TAF1B: variants seen among roughly 807,000 people sequenced by gnomAD.
TAF1B encodes the protein TATA-box binding protein associated factor, RNA polymerase I subunit B.
TAF1B carries 61 observed loss-of-function variants against 83.9 expected under a neutral mutation model. That is an observed-to-expected ratio of 0.73 (90% CI 0.59 to 0.90). TAF1B has a LOEUF of 0.90. Ranked by LOEUF, TAF1B falls within the 40% of genes least tolerant of loss-of-function variation. The pLI, the probability that TAF1B is intolerant of heterozygous loss-of-function variation, is 0.00. For missense variants in TAF1B, 625 were observed against 677.0 expected (o/e 0.92, Z 0.85); for synonymous variants, 221 against 224.6 (o/e 0.98, Z 0.14).
intron 12 of TAF1B, among the ~76,000 whole-genome samples, chr2:9,918,614 T>C (rs1328498385): frequency 6.6e-6 from 1 of 152,244 alleles, no homozygotes; most frequent in Non-Finnish European, 1.5e-5. Flanking sequence ...GAGACGCATT[T>C]ACTGTTCACT....
At chr2:9,919,930 T>A (rs1429316124) in intron 14 of TAF1B, 110 bp downstream of exon 14, 3 of 1,009,516 alleles carry the variant, frequency 3.0e-6, no homozygotes, top group Non-Finnish European at 4.4e-6. Context: ...GTCACGAAAA[T>A]CAGAATTATA....
chr2:9,875,602 T>G (rs1664300244), intron 6 of TAF1B, among the ~76,000 whole-genome samples: 1 of 152,042 alleles, frequency 6.6e-6, no homozygotes, highest in Non-Finnish European at 1.5e-5. Flanking sequence ...AACTACCCTT[T>G]ATAAAACTAT....
intron 2 of TAF1B, 59 bp from the exon 3 acceptor site, chr2:9,849,314 A>G (rs1663306466): frequency 5.3e-6 from 7 of 1,319,802 alleles, no homozygotes; most frequent in Middle Eastern, 1.8e-4. Flanking sequence ...AATACCTGGA[A>G]AAATGCTTAG....
chr2:9,921,972 A>C (rs1665893828), intron 14 of TAF1B, among the ~76,000 whole-genome samples: 1 of 152,204 alleles, frequency 6.6e-6, no homozygotes, highest in South Asian at 2.1e-4. Flanking sequence ...CCCTCACTAA[A>C]GTTCTCAGTA....
rs1042712468 is a variant in TAF1B at position 9,873,562 on chromosome 2, T to C, written c.554-2303T>C. ...GACTCAACATTTCTGTTGGTGTATT[T>C]AATAAGATTCACACTTAACACACAT... On this transcript the variant is annotated intron_variant, in intron 6 of 14. Coordinates refer to ENST00000263663, the MANE Select transcript of TAF1B (RefSeq NM_005680.3). Among the ~76,000 whole-genome samples the C allele has an allele frequency of 2.6e-5, 4 of 152,074 alleles. 1 individual carries two copies. The highest frequency in any genetic ancestry group is 9.7e-5 in the African/African-American group (4 of 41,404).
At chr2:9,932,600 T>C (rs973074021) in intron 14 of TAF1B, among the ~76,000 whole-genome samples, 6 of 152,008 alleles carry the variant, frequency 3.9e-5, no homozygotes, top group Non-Finnish European at 8.8e-5. Flanking sequence ...TACTGGGAGG[T>C]GTCTCCCAGT....
intron 8 of TAF1B, among the ~76,000 whole-genome samples, chr2:9,891,283 A>G (rs1398312641): frequency 6.6e-6 from 1 of 152,214 alleles, no homozygotes; most frequent in African/African-American, 2.4e-5. Flanking sequence ...CTTTACTGCC[A>G]GTGGTAGAAA....
chr2:9,887,124 A>G (rs973723795), intron 8 of TAF1B, among the ~76,000 whole-genome samples: 3 of 152,166 alleles, frequency 2.0e-5, no homozygotes, highest in African/African-American at 7.2e-5. Context: ...ACCTACAACT[A>G]TAATAGTCGC....
chr2:9,857,895 G>A (rs1016756996), intron 5 of TAF1B, among the ~76,000 whole-genome samples: 2 of 152,148 alleles, frequency 1.3e-5, no homozygotes, highest in African/African-American at 4.8e-5. Flanking sequence ...AACATGTGGG[G>A]ATTACAATTC....
chr2:9,860,166 T>C (rs1171172813), intron 5 of TAF1B, among the ~76,000 whole-genome samples: 1 of 152,042 alleles, frequency 6.6e-6, no homozygotes, highest in Non-Finnish European at 1.5e-5. Flanking sequence ...ACTAGGTCCC[T>C]CCCTCCAGAC....
At chr2:9,884,160 G>A (rs1224526765) in intron 8 of TAF1B, among the ~76,000 whole-genome samples, 6 of 152,210 alleles carry the variant, frequency 3.9e-5, no homozygotes, top group Non-Finnish European at 2.9e-5. Flanking sequence ...AGCGATCCGC[G>A]AGGCTGCGAC....
At chr2:9,858,736 C>G (rs1008598751) in intron 5 of TAF1B, among the ~76,000 whole-genome samples, 2 of 152,230 alleles carry the variant, frequency 1.3e-5, no homozygotes, top group Non-Finnish European at 2.9e-5. Context: ...GGCTTGCACC[C>G]TCTGAAGCCA....
At chr2:9,923,171 T>C (rs1003994431) in intron 14 of TAF1B, among the ~76,000 whole-genome samples, 4 of 150,146 alleles carry the variant, frequency 2.7e-5, no homozygotes, top group Non-Finnish European at 5.9e-5. Flanking sequence ...CCGGGAGGCA[T>C]TGGTTGCAGT....
At chr2:9,902,735 C>G (rs539005115) in intron 8 of TAF1B, among the ~76,000 whole-genome samples, 1 of 152,138 alleles carries the variant, frequency 6.6e-6, no homozygotes, top group South Asian at 2.1e-4. Context: ...GGCATGCATA[C>G]GCATTTCTGC....
At chr2:9,920,386 C>T (rs1665836884) in intron 14 of TAF1B, among the ~76,000 whole-genome samples, 1 of 152,144 alleles carries the variant, frequency 6.6e-6, no homozygotes, top group Admixed American at 6.5e-5. Context: ...ATCTGATTGT[C>T]CCTCAGCCTT....
chr2:9,862,313 G>C (rs1290964703), intron 5 of TAF1B, among the ~76,000 whole-genome samples: 1 of 152,212 alleles, frequency 6.6e-6, no homozygotes, highest in East Asian at 1.9e-4. Context: ...GTCCTCACTA[G>C]CTGATGCAAT....
Position 9,921,816 on chromosome 2 carries a change from T to C in TAF1B, c.1565+1996T>C, listed in dbSNP as rs535082242. 9.1e-4 allele frequency among the ~76,000 whole-genome samples: 139 copies of C among 152,332 alleles called. 1 individual carries two copies. Among genetic ancestry groups the C allele is most frequent in the Non-Finnish European group, 1.1e-3 (78 of 68,026 alleles). ...AAAAGATTCAGGCTATGCCATGAAG[T>C]TTTTTTCTCCTTGCCTATTTTAACT... On this transcript the variant is annotated intron_variant, in intron 14 of 14. Coordinates refer to ENST00000263663, the MANE Select transcript of TAF1B (RefSeq NM_005680.3).
At chr2:9,924,437 T>A (rs1293601403) in intron 14 of TAF1B, among the ~76,000 whole-genome samples, 3 of 152,086 alleles carry the variant, frequency 2.0e-5, no homozygotes, top group Admixed American at 6.5e-5. Flanking sequence ...TTGACAACAA[T>A]AGGGGAGCCA....
intron 14 of TAF1B, among the ~76,000 whole-genome samples, chr2:9,921,347 C>A (rs1665873126): frequency 6.6e-6 from 1 of 152,182 alleles, no homozygotes; most frequent in African/African-American, 2.4e-5. Context: ...CTGCCCCAGC[C>A]TCCCAAAGTG....
Sources: allele counts gnomAD v4.1 joint callset (sites outside exome capture counted in the v4.1 genomes callset), GRCh38; gene constraint gnomAD v4.1.1; transcripts MANE v1.5; gene names NCBI Gene and HGNC (gene_info 2026-07-23, HGNC 2026-07-21).